The following CASK variants were observed in gnomAD, a reference collection of about 807,000 sequenced individuals.
CASK encodes the protein peripheral plasma membrane protein CASK.
In CASK, 4 loss-of-function variants were observed where a neutral mutation model predicts 82.9. The ratio of observed to expected loss-of-function variants is 0.05; its 90% CI spans 0.02 to 0.11. The LOEUF (loss-of-function observed/expected upper bound fraction) is 0.11, where lower values mean the gene tolerates loss of function less well. CASK is among the 10% of genes least tolerant of loss of function. CASK has a pLI of 1.00. For synonymous variants in CASK, 259 were observed against 253.5 expected, an observed-to-expected ratio of 1.02 and a Z score of -0.20; for missense variants, 358 against 720.9, an observed-to-expected ratio of 0.50 and a Z score of 5.76.
At chrX:41,893,971 C>T (rs1266175524) in intron 1 of CASK, among the ~76,000 whole-genome samples, 1 of 110,961 alleles carries the variant, frequency 9.0e-6, no homozygotes, top group Non-Finnish European at 1.9e-5. Context: ...GTTCAGTTAT[C>T]AACAACAGAA....
At chrX:41,617,726 C>A (rs1203518968) in intron 11 of CASK, among the ~76,000 whole-genome samples, 1 of 112,127 alleles carries the variant, frequency 8.9e-6, no homozygotes, top group Non-Finnish European at 1.9e-5. Flanking sequence ...AAAGACACTT[C>A]TCGGGCTTCT....
chrX:41,787,711 AAAAAT>A (rs931814354), intron 2 of CASK, among the ~76,000 whole-genome samples: 1 of 111,836 alleles, frequency 8.9e-6, no homozygotes, highest in African/African-American at 3.2e-5. Flanking sequence ...TAAATAAAAT[AAAAAT>A]ATGTTGTCTA....
At chrX:41,603,572 A>T (rs954190805) in intron 12 of CASK, among the ~76,000 whole-genome samples, 10 of 112,716 alleles carry the variant, frequency 8.9e-5, no homozygotes, top group Non-Finnish European at 1.9e-4. Context: ...AAGTCTACTT[A>T]TAAATTAATA....
Position 41,615,893 on chromosome X carries a change from C to G in CASK, c.1034-5868G>C, listed in dbSNP as rs769022404. Among the ~76,000 whole-genome samples the G allele has an allele frequency of 5.4e-5, 6 of 112,101 alleles. No homozygotes were observed. The South Asian group carries it at 2.2e-3, about 42-fold the overall frequency. On this transcript the variant is annotated intron_variant, in intron 11 of 26. Transcript: ENST00000378163. ...CCGCCTGCCTCAGCCTCCCAAAGTG[C>G]CGGGACTACAGGCCTGAGCCACTGT...
Position 41,671,459 on chromosome X carries a change from A to T in CASK, c.501T>A (p.Ile167=). 1 of 1,202,995 alleles carries T rather than the reference A, an allele frequency of 8.3e-7. No homozygotes were observed. Among genetic ancestry groups the T allele is most frequent in the Non-Finnish European group, 1.1e-6 (1 of 887,874 alleles). The stretch of plus-strand genomic sequence containing the variant: ...CTACAAGTCCAGACTCCCCTAATTG[A>T]ATAGCTACCCCAAAGCCTCCAAGTT... ...PVKLGGFGVA[I]QLGESGLVAG... The change falls in exon 6 of 27, where the codon ATT becomes ATA. Residue 167 remains isoleucine, a synonymous_variant. Coordinates refer to ENST00000378163, the MANE Select transcript of CASK (RefSeq NM_001367721.1).
chrX:41,582,279 A>T (rs778294566), intron 14 of CASK, among the ~76,000 whole-genome samples: 2 of 111,034 alleles, frequency 1.8e-5, no homozygotes, highest in South Asian at 7.7e-4. Flanking sequence ...AAAACTGCAG[A>T]CTCCTTACAA....
In CASK at chrX:41,671,512, C is replaced by T. The variant is rs748166255; in HGVS notation, c.448G>A (p.Ala150Thr). The T allele has an allele frequency of 8.4e-7, 1 of 1,196,173 alleles. No homozygotes were observed. Among genetic ancestry groups the T allele is most frequent in the Non-Finnish European group, 1.1e-6 (1 of 882,588 alleles). Reference sequence around the variant, plus strand: ...ACAGGTGCCGAGTTTTCTTTTGAGGCAAGGAGAACACAGTGGGGCTGAAAA... The same window carrying T: ...ACAGGTGCCGAGTTTTCTTTTGAGGTAAGGAGAACACAGTGGGGCTGAAAA... ...RDVKPHCVLL[A>T]SKENSAPVKL... Residue 150 changes from alanine to threonine, a missense_variant, in exon 6 of 27, where the codon GCC becomes ACC. Around this residue, in one of 5 missense-constraint regions of CASK, gnomAD observed 70 missense variants for 228.4 expected, o/e 0.31. Transcript: ENST00000378163.
chrX:41,812,460 C>G (rs2070311115), intron 2 of CASK, among the ~76,000 whole-genome samples: 1 of 111,584 alleles, frequency 9.0e-6, no homozygotes, highest in East Asian at 2.8e-4. Context: ...AAATGTAATC[C>G]ATCATATAAA....
At chrX:41,743,265 C>T (rs2068626147) in intron 4 of CASK, among the ~76,000 whole-genome samples, 1 of 111,495 alleles carries the variant, frequency 9.0e-6, no homozygotes, top group Non-Finnish European at 1.9e-5. Flanking sequence ...AGGGAAAAAT[C>T]CCCTTCTTCC....
chrX:41,847,540 G>A (rs184191372), intron 2 of CASK, among the ~76,000 whole-genome samples: 1 of 111,660 alleles, frequency 9.0e-6, no homozygotes, highest in Non-Finnish European at 1.9e-5. Flanking sequence ...GTTTGCTCAG[G>A]AACAGTTTCT....
intron 5 of CASK, among the ~76,000 whole-genome samples, chrX:41,706,139 C>G (rs2067882211): frequency 9.0e-6 from 1 of 111,633 alleles, no homozygotes; most frequent in Non-Finnish European, 1.9e-5. Flanking sequence ...CAGCTGGCTG[C>G]AAAGGGAACT....
chrX:41,846,941 T>C (rs1403368028), intron 2 of CASK, among the ~76,000 whole-genome samples: 1 of 111,561 alleles, frequency 9.0e-6, no homozygotes, highest in Non-Finnish European at 1.9e-5. Context: ...TTGAATGTTA[T>C]CCTGTTGCCT....
chrX:41,750,961 T>G (rs1042073563), intron 3 of CASK, among the ~76,000 whole-genome samples: 1 of 113,021 alleles, frequency 8.8e-6, no homozygotes, highest in Non-Finnish European at 1.9e-5. Context: ...TTGGTACTTA[T>G]CTGCAAATAT....
rs899298212 is a variant in CASK, at chrX:41,575,620, C to A, written c.1503+2720G>T. ...GTATGTCACCCTTGAGGAATGGACA[C>A]ATTGCAGAGGGTCTGAAAAACAAAA... On this transcript the variant is annotated intron_variant, in intron 15 of 26. Coordinates refer to ENST00000378163, the MANE Select transcript of CASK (RefSeq NM_001367721.1). 2.7e-5 allele frequency among the ~76,000 whole-genome samples: 3 copies of A among 111,372 alleles called. No homozygotes were observed. The Admixed American group carries it at 2.9e-4, about 11-fold the overall frequency.
intron 16 of CASK, among the ~76,000 whole-genome samples, chrX:41,568,923 G>A (rs1207709977): frequency 1.8e-5 from 2 of 111,190 alleles, no homozygotes; most frequent in Non-Finnish European, 3.8e-5. Flanking sequence ...GCTTGAGCCC[G>A]GGAGGAGAGG....
At chrX:41,663,641 A>C (rs936699089) in intron 7 of CASK, among the ~76,000 whole-genome samples, 1 of 112,310 alleles carries the variant, frequency 8.9e-6, no homozygotes, top group African/African-American at 3.2e-5. Context: ...GAAACTAGGA[A>C]GTTAACAACT....
intron 5 of CASK, 128 bp downstream of exon 5, chrX:41,739,256 A>C: frequency 2.0e-6 from 1 of 492,080 alleles, no homozygotes; most frequent in Non-Finnish European, 3.6e-6. Flanking sequence ...AAAGCAGTTA[A>C]ATACATTTTT....
intron 5 of CASK, among the ~76,000 whole-genome samples, chrX:41,716,785 A>G (rs1278632158): frequency 8.9e-6 from 1 of 111,734 alleles, no homozygotes; most frequent in Non-Finnish European, 1.9e-5. Context: ...AAATGCAGCT[A>G]TACTCCCTGG....
chrX:41,871,694 G>T (rs1457014979), intron 1 of CASK, among the ~76,000 whole-genome samples: 2 of 111,704 alleles, frequency 1.8e-5, no homozygotes, highest in African/African-American at 6.5e-5. Flanking sequence ...AAAGGATTTT[G>T]TATACTGTGT....
Sources: gnomAD v4.1 joint callset for allele counts (sites outside exome capture counted in the v4.1 genomes callset) on GRCh38, gnomAD v4.1.1 for gene constraint, gnomAD v4.1.1 regional missense constraint, MANE v1.5 for transcripts, NCBI Gene and HGNC (gene_info 2026-07-23, HGNC 2026-07-21) for gene names.